Variants in ATP6V1B1 observed in about 807,000 individuals in gnomAD.
The protein encoded by ATP6V1B1 is ATPase H+ transporting V1 subunit B1.
In ATP6V1B1, 41 loss-of-function variants were observed where a neutral mutation model predicts 62.1. The observed-to-expected ratio is 0.66, with a 90% CI of 0.51 to 0.86. ATP6V1B1 has a LOEUF of 0.86. Ranked by LOEUF, ATP6V1B1 falls within the 40% of genes least tolerant of loss-of-function variation. ATP6V1B1 has a pLI of 0.00. For missense variants in ATP6V1B1, 651 were observed against 697.5 expected (o/e 0.93, Z 0.75); for synonymous variants, 253 against 273.4 (o/e 0.93, Z 0.74).
chr2:70,943,539 C>A (rs17040279), intron 1 of ATP6V1B1, 119 bp from the exon 2 acceptor site: 1 of 1,078,170 alleles, frequency 9.3e-7, no homozygotes, highest in Admixed American at 2.0e-5. Context: ...ATGACCCTGA[C>A]GGCCCAGGCT....
At chr2:70,964,130 TTTTTTTGCAGCTA>T in intron 11 of ATP6V1B1, 1 of 306,494 alleles carries the variant, frequency 3.3e-6, no homozygotes, top group South Asian at 4.2e-5. Context: ...TTTTTTTTTT[TTTTTTTGCAGCTA>T]TTAACCATTA....
intron 1 of ATP6V1B1, 133 bp downstream of exon 1, chr2:70,936,205 T>C (rs1553415354): frequency 2.1e-6 from 2 of 948,300 alleles, no homozygotes; most frequent in Non-Finnish European, 3.2e-6. Context: ...GAGGGCTCTC[T>C]GTCCAGCAGA....
intron 2 of ATP6V1B1, 118 bp downstream of exon 2, chr2:70,943,831 G>A: frequency 7.1e-7 from 1 of 1,417,294 alleles, no homozygotes. Flanking sequence ...GGCCTGCTCT[G>A]TTCTCTCCAT....
chr2:70,936,604 C>T, intron 1 of ATP6V1B1, among the ~76,000 whole-genome samples: 1 of 152,056 alleles, frequency 6.6e-6, no homozygotes, highest in Admixed American at 6.5e-5. Context: ...TGTGCATAAG[C>T]AGGTAGGAGC....
chr2:70,961,647 A>G lies in ATP6V1B1; in HGVS notation c.739A>G (p.Thr247Ala). Residue 247 changes from threonine to alanine, a missense_variant, in exon 8 of 14, where the codon ACC (threonine) becomes GCC (alanine). Thr to Ala is a moderately conservative substitution (Grantham distance 58). Coordinates refer to ENST00000234396, the MANE Select transcript of ATP6V1B1 (RefSeq NM_001692.4). ...FFKSDFEQNG[T>A]MGNVCLFLNL... Reference sequence around the variant, plus strand: ...CAAGTCTGACTTTGAGCAGAATGGAACCATGGGGAACGTCTGCCTCTTCCT... The same window carrying G: ...CAAGTCTGACTTTGAGCAGAATGGAGCCATGGGGAACGTCTGCCTCTTCCT... The G allele has an allele frequency of 6.2e-7, 1 of 1,614,170 alleles. No homozygotes were observed. Among genetic ancestry groups the G allele is most frequent in the South Asian group, 1.1e-5 (1 of 91,086 alleles).
chr2:70,936,460 G>A (rs546653818), intron 1 of ATP6V1B1, among the ~76,000 whole-genome samples: 1 of 152,120 alleles, frequency 6.6e-6, no homozygotes, highest in Admixed American at 6.6e-5. Context: ...GTCAGGCGGG[G>A]TGTGATTAAG....
chr2:70,940,913 C>A (rs112148769), intron 1 of ATP6V1B1: 1 of 655,238 alleles, frequency 1.5e-6, no homozygotes, highest in Non-Finnish European at 1.8e-6. Context: ...TTTTCTTTTT[C>A]TTTTTTTTTT....
chr2:70,954,863 G>A (rs1404176084), intron 2 of ATP6V1B1, among the ~76,000 whole-genome samples: 1 of 152,184 alleles, frequency 6.6e-6, no homozygotes, highest in Non-Finnish European at 1.5e-5. Context: ...GGGAGCCTAG[G>A]GGATGCAATG....
In ATP6V1B1 at chr2:70,959,223, C is replaced by A; in HGVS notation, c.445+128C>A. 1 of 988,174 alleles carries A rather than the reference C, an allele frequency of 1.0e-6. No individual in the cohort carries two copies. Among genetic ancestry groups the A allele is most frequent in the Non-Finnish European group, 1.6e-6 (1 of 635,906 alleles). 61.2% of individuals were successfully genotyped at this position (988,174 alleles called of 1,614,324 possible). A position where few individuals can be genotyped will look rare whatever the true frequency, so the allele number is the denominator to read the frequency against. On this transcript the variant is annotated intron_variant, in intron 5 of 13. Coordinates refer to ENST00000234396, the MANE Select transcript of ATP6V1B1 (RefSeq NM_001692.4). The surrounding 1 kb of genome is among the most constrained non-coding windows in gnomAD (Gnocchi z 4.2). ...AGAGCAGCAAAGGCCTCTCTATCCC[C>A]AAATCTTCCACTGAACCCCAACACT...
In ATP6V1B1 at chr2:70,943,686, GCC is replaced by G; in HGVS notation, c.150_151del (p.Leu51GlyfsTer31). ...TYRTVCSVNG[P>X]LVVLDRVKFA... Reference sequence around the variant, plus strand: ...ACAGGACTGTGTGCAGCGTGAACGGGCCCCTGGTGGTGCTGGACCGGGTCAAG... The same window carrying G: ...ACAGGACTGTGTGCAGCGTGAACGGGCCTGGTGGTGCTGGACCGGGTCAAG... On this transcript the variant is annotated frameshift_variant, in exon 2 of 14. Transcript: ENST00000234396. LOFTEE classifies it high-confidence loss of function. 1.2e-6 allele frequency: 2 copies of G among 1,613,842 alleles called. No homozygotes were observed. Among genetic ancestry groups the G allele is most frequent in the Non-Finnish European group, 1.7e-6 (2 of 1,179,970 alleles).
chr2:70,944,804 G>A (rs1162113024), intron 2 of ATP6V1B1, among the ~76,000 whole-genome samples: 4 of 152,040 alleles, frequency 2.6e-5, no homozygotes, highest in African/African-American at 9.7e-5. Flanking sequence ...GAGTAGCTGG[G>A]ACTACAGGCA....
rs553523113 is a variant in ATP6V1B1, at chr2:70,941,834, A to C, written c.119-1824A>C. 2.7e-4 allele frequency: 268 copies of C among 985,940 alleles called. 1 individual carries two copies. The Middle Eastern group carries it at 4.7e-3, about 17-fold the overall frequency. 61.1% of individuals were successfully genotyped at this position (985,940 alleles called of 1,614,324 possible). A position where few individuals can be genotyped will look rare whatever the true frequency, so the allele number is the denominator to read the frequency against. On this transcript the variant is annotated intron_variant, in intron 1 of 13. Coordinates refer to ENST00000234396, the MANE Select transcript of ATP6V1B1 (RefSeq NM_001692.4). ...GAGAGCGAGGAGTGTGAGTCTTCAGAGGAGGCTGACAGGCGGCCCCAGAGG... is the reference window on the plus strand; with the variant it reads ...GAGAGCGAGGAGTGTGAGTCTTCAGCGGAGGCTGACAGGCGGCCCCAGAGG...
chr2:70,955,944 G>T, intron 2 of ATP6V1B1: 1 of 161,932 alleles, frequency 6.2e-6, no homozygotes. Flanking sequence ...ACACAATTTC[G>T]GGTGCTATTG....
chr2:70,964,969 A>G lies in ATP6V1B1; in HGVS notation c.1390A>G (p.Asn464Asp). The G allele has an allele frequency of 6.2e-7, 1 of 1,613,958 alleles. No homozygotes were observed. The highest frequency in any genetic ancestry group is 8.5e-7 in the Non-Finnish European group (1 of 1,180,022). Reference protein sequence around the residue: ...KNFINQGPYENRSVFESLDLG... With the variant: ...KNFINQGPYEDRSVFESLDLG... ...CGCTCTGTCCCTAGGCCCCTACGAG[A>G]ACCGCTCGGTGTTCGAGTCGCTGGA... Residue 464 changes from asparagine (N) to aspartate (D), a missense_variant, in exon 14 of 14, where the codon AAC becomes GAC. By Grantham distance (23) the Asn-to-Asp change is conservative. Coordinates refer to ENST00000234396, the MANE Select transcript of ATP6V1B1 (RefSeq NM_001692.4).
At chr2:70,949,530 C>T (rs1006049) in intron 2 of ATP6V1B1, among the ~76,000 whole-genome samples, 56,298 of 152,012 alleles carry the variant, frequency 0.37, 10,627 homozygotes, top group East Asian at 0.41. Flanking sequence ...TGGTAATTCA[C>T]ATTTCCACCA....
Position 70,964,334 on chromosome 2 carries a change from C to G in ATP6V1B1, c.1144-104C>G, listed in dbSNP as rs186283380. 3.8e-4 allele frequency: 472 copies of G among 1,233,270 alleles called. 1 individual carries two copies. In the African/African-American group the frequency reaches 6.2e-3, roughly 16 times the overall value. 76.4% of individuals were successfully genotyped at this position (1,233,270 alleles called of 1,614,324 possible). A position where few individuals can be genotyped will look rare whatever the true frequency, so the allele number is the denominator to read the frequency against. ...AGGGTGGGTGTGGCTGTTGACCCCT[C>G]GGAATGTAGGATAAGTGAGGAGCTT... On this transcript the variant is annotated intron_variant, in intron 11 of 13. Coordinates refer to ENST00000234396, the MANE Select transcript of ATP6V1B1 (RefSeq NM_001692.4).
intron 1 of ATP6V1B1, among the ~76,000 whole-genome samples, chr2:70,937,463 T>C (rs1159090139): frequency 6.6e-6 from 1 of 152,002 alleles, no homozygotes; most frequent in African/African-American, 2.4e-5. Context: ...GCAAGGCCTG[T>C]AGGCCCTGCC....
chr2:70,942,704 G>C (rs574544666), intron 1 of ATP6V1B1, among the ~76,000 whole-genome samples: 2 of 152,336 alleles, frequency 1.3e-5, no homozygotes, highest in Non-Finnish European at 2.9e-5. Flanking sequence ...CTGTGAAAGA[G>C]GGGTTGGGCC....
In ATP6V1B1 at chr2:70,963,559, A is replaced by G. The variant is rs200724195; in HGVS notation, c.1061-13A>G. 2.0e-4 allele frequency: 322 copies of G among 1,613,224 alleles called. No homozygotes were observed. Among genetic ancestry groups the G allele is most frequent in the Non-Finnish European group, 2.6e-4 (309 of 1,179,312 alleles). On this transcript the variant is annotated splice_polypyrimidine_tract_variant and intron_variant, in intron 10 of 13. Coordinates refer to ENST00000234396, the MANE Select transcript of ATP6V1B1 (RefSeq NM_001692.4). This position sits in a 1 kb window ranked among gnomAD's most constrained non-coding sequence, Gnocchi z 4.3. ...GCCCCCACCCACACTGAGGCCAGTG[A>G]GTTTTCTTGTAGATATCACCCACCC...
Sources: gnomAD v4.1 joint callset for allele counts (sites outside exome capture counted in the v4.1 genomes callset) on GRCh38, gnomAD v4.1.1 for gene constraint, Gnocchi (gnomAD v3.1) non-coding constraint, MANE v1.5 for transcripts, NCBI Gene and HGNC (gene_info 2026-07-23, HGNC 2026-07-21) for gene names.